TM4SF4: variants seen among roughly 807,000 people sequenced by gnomAD.
TM4SF4 encodes transmembrane 4 L6 family member 4.
Under a neutral mutation model 24.1 loss-of-function variants are expected in TM4SF4, and 24 were observed. That is an observed-to-expected ratio of 1.00 (90% CI 0.72 to 1.40). TM4SF4 has a LOEUF of 1.40. TM4SF4 is among the 40% of genes most tolerant of loss of function. The probability of loss-of-function intolerance (pLI) is 0.00; values close to 1 mark genes in which losing one functional copy is unlikely to be tolerated. For synonymous variants in TM4SF4, 113 were observed against 97.0 expected (o/e 1.17, Z -0.97); for missense variants, 254 against 254.2 (o/e 1.00, Z 0.01).
At position 149,498,794 on chromosome 3, in the gene TM4SF4, C is replaced by A; in HGVS notation, c.474C>A (p.Thr158=). The A allele has an allele frequency of 6.2e-7, 1 of 1,613,952 alleles. No individual in the cohort carries two copies. Among genetic ancestry groups the A allele is most frequent in the Non-Finnish European group, 8.5e-7 (1 of 1,179,876 alleles). Residue 158 remains threonine (T), a synonymous_variant, in exon 4 of 5, where the codon ACC becomes ACA. Coordinates refer to ENST00000305354, the MANE Select transcript of TM4SF4 (RefSeq NM_004617.4). The part of the protein sequence containing the change: ...EPLNVVPWNL[T]LFSILLVVGG... ...TCAATGTGGTTCCCTGGAATCTGAC[C>A]CTCTTCTCCATCCTGCTGGTCGTAG...
At chr3:149,493,592 G>A (rs1734255314) in intron 3 of TM4SF4, among the ~76,000 whole-genome samples, 1 of 152,230 alleles carries the variant, frequency 6.6e-6, no homozygotes, top group Non-Finnish European at 1.5e-5. Context: ...AAAGCAGCTA[G>A]CCCAGAGCCT....
rs72996067 is a variant in TM4SF4, at chr3:149,498,423, T to A, written c.402-299T>A. ...TTCTGTGACCTGGGAGAAAGTAACT[T>A]AGCCTCTCTGTGCCTCTGCTTCCTT... On this transcript the variant is annotated intron_variant, in intron 3 of 4. Transcript: ENST00000305354. Among the ~76,000 whole-genome samples the A allele has an allele frequency of 6.9e-3, 1,053 of 152,336 alleles. 8 individuals are homozygous for A. The highest frequency in any genetic ancestry group is 0.023 in the African/African-American group (960 of 41,556).
chr3:149,497,691 C>A (rs1423625309), intron 3 of TM4SF4, among the ~76,000 whole-genome samples: 1 of 152,054 alleles, frequency 6.6e-6, no homozygotes, highest in African/African-American at 2.4e-5. Flanking sequence ...GTTGCCCAGG[C>A]TGGAGTGCAA....
chr3:149,483,971 A>G (rs1576518543), intron 2 of TM4SF4, among the ~76,000 whole-genome samples: 1 of 152,088 alleles, frequency 6.6e-6, no homozygotes, highest in African/African-American at 2.4e-5. Flanking sequence ...TGTAGAGATG[A>G]GGTTTTGCCA....
chr3:149,496,799 C>CTA, intron 3 of TM4SF4, among the ~76,000 whole-genome samples: 1 of 151,900 alleles, frequency 6.6e-6, no homozygotes, highest in East Asian at 1.9e-4. Flanking sequence ...TCTCACACAA[C>CTA]TATACAGAAG....
intron 3 of TM4SF4, among the ~76,000 whole-genome samples, chr3:149,490,955 CT>C (rs1734200360): frequency 1.3e-5 from 2 of 151,986 alleles, no homozygotes; most frequent in African/African-American, 2.4e-5. Flanking sequence ...TTTTCCTTCT[CT>C]TTTTTCTTTC....
chr3:149,492,963 G>A (rs62269282), intron 3 of TM4SF4, among the ~76,000 whole-genome samples: 1,905 of 152,216 alleles, frequency 0.013, 37 homozygotes, highest in South Asian at 0.038. Flanking sequence ...TTAGGGTCTA[G>A]CCACACCTCT....
At chr3:149,483,164 T>C (rs901087105) in intron 2 of TM4SF4, among the ~76,000 whole-genome samples, 2 of 151,894 alleles carry the variant, frequency 1.3e-5, no homozygotes, top group Admixed American at 6.6e-5. Context: ...TCTGAAAGGG[T>C]GGTAGGTAGC....
At chr3:149,482,441 C>T (rs751333797) in intron 2 of TM4SF4, among the ~76,000 whole-genome samples, 2 of 152,260 alleles carry the variant, frequency 1.3e-5, no homozygotes, top group African/African-American at 2.4e-5. Context: ...TTCTCAATTA[C>T]TGTCTCCTTC....
At chr3:149,479,339 A>G (rs558601870) in intron 2 of TM4SF4, among the ~76,000 whole-genome samples, 1 of 151,250 alleles carries the variant, frequency 6.6e-6, no homozygotes, top group South Asian at 2.1e-4. Context: ...AGCATCAAAC[A>G]ATAATCATTT....
intron 1 of TM4SF4, 69 bp downstream of exon 1, chr3:149,475,120 T>C (rs1733904462): frequency 1.1e-5 from 16 of 1,481,494 alleles, no homozygotes; most frequent in Non-Finnish European, 1.5e-5. Flanking sequence ...TTAAATCAGG[T>C]ACTTATTGAA....
intron 3 of TM4SF4, among the ~76,000 whole-genome samples, chr3:149,497,316 A>G (rs887213779): frequency 1.6e-4 from 25 of 152,260 alleles, no homozygotes; most frequent in African/African-American, 6.0e-4. Context: ...CACAAGGCAC[A>G]CAGCTAGCAA....
chr3:149,484,282 C>A (rs1187076500), intron 2 of TM4SF4, among the ~76,000 whole-genome samples: 2 of 152,214 alleles, frequency 1.3e-5, no homozygotes, highest in Non-Finnish European at 2.9e-5. Flanking sequence ...TCTCATAAGA[C>A]AAAGACAATG....
At chr3:149,495,649 A>T in intron 3 of TM4SF4, 1 of 323,444 alleles carries the variant, frequency 3.1e-6, no homozygotes, top group Non-Finnish European at 6.3e-6. Flanking sequence ...TTCACTGCTG[A>T]AGTGTTTATC....
intron 4 of TM4SF4, 56 bp from the exon 5 acceptor site, chr3:149,502,619 AG>A: frequency 7.2e-7 from 1 of 1,391,154 alleles, no homozygotes; most frequent in Non-Finnish European, 1.0e-6. Context: ...GGAGGGGAAA[AG>A]CAAAAATTTA....
intron 3 of TM4SF4, chr3:149,495,503 G>C: frequency 2.4e-6 from 1 of 422,168 alleles, no homozygotes; most frequent in South Asian, 2.2e-5. Context: ...ACTAAAGTCT[G>C]TTGAAATGCA....
chr3:149,475,308 G>T (rs931974069), intron 1 of TM4SF4, among the ~76,000 whole-genome samples: 1 of 152,140 alleles, frequency 6.6e-6, no homozygotes, highest in East Asian at 1.9e-4. Context: ...CCCATGAACC[G>T]AAGTGAAGGT....
chr3:149,491,867 G>A (rs1331437294), intron 3 of TM4SF4, among the ~76,000 whole-genome samples: 1 of 152,150 alleles, frequency 6.6e-6, no homozygotes, highest in Non-Finnish European at 1.5e-5. Context: ...CATGCTCAGG[G>A]AACCTCAGAG....
At chr3:149,478,919 A>C (rs1224681950) in intron 2 of TM4SF4, among the ~76,000 whole-genome samples, 1 of 152,046 alleles carries the variant, frequency 6.6e-6, no homozygotes, top group East Asian at 1.9e-4. Flanking sequence ...GCTTGCCACC[A>C]TGCTCGGCTA....
Sources: allele counts gnomAD v4.1 joint callset (sites outside exome capture counted in the v4.1 genomes callset), GRCh38; gene constraint gnomAD v4.1.1; transcripts MANE v1.5; gene names NCBI Gene and HGNC (gene_info 2026-07-23, HGNC 2026-07-21).